Variants in LRP1B observed in about 807,000 individuals in gnomAD.
LRP1B encodes the protein LDL receptor related protein 1B.
LRP1B carries 217 observed loss-of-function variants against 556.6 expected under a neutral mutation model. The observed-to-expected ratio is 0.39, with a 90% CI of 0.35 to 0.44. LRP1B has a LOEUF of 0.44. Ranked by LOEUF, LRP1B falls within the 20% of genes least tolerant of loss-of-function variation. The pLI, the probability that LRP1B is intolerant of heterozygous loss-of-function variation, is 1.00. For missense variants in LRP1B, 5,053 were observed against 5,620.8 expected (o/e 0.90, Z 3.23); for synonymous variants, 2,047 against 1,865.8 (o/e 1.10, Z -2.50).
intron 2 of LRP1B, among the ~76,000 whole-genome samples, chr2:141,779,740 T>C (rs1290388953): frequency 1.3e-5 from 2 of 152,048 alleles, no homozygotes; most frequent in Non-Finnish European, 2.9e-5. Context: ...ATTGTATAGA[T>C]AGGAAATTGA....
chr2:140,381,992 G>A (rs1170163565), intron 67 of LRP1B, among the ~76,000 whole-genome samples: 3 of 151,796 alleles, frequency 2.0e-5, no homozygotes, highest in African/African-American at 7.3e-5. Flanking sequence ...AGCTTTGGAA[G>A]TCAACTTACA....
intron 2 of LRP1B, among the ~76,000 whole-genome samples, chr2:141,775,904 G>A (rs1244328664): frequency 1.3e-5 from 2 of 149,396 alleles, no homozygotes; most frequent in African/African-American, 5.0e-5. Flanking sequence ...GTGCAGTGGC[G>A]CAATCTTGGC....
intron 2 of LRP1B, among the ~76,000 whole-genome samples, chr2:141,595,541 CAG>C (rs1338265286): frequency 6.6e-6 from 1 of 152,004 alleles, no homozygotes; most frequent in Non-Finnish European, 1.5e-5. Context: ...AAAAATATGA[CAG>C]AGTTTTGAAG....
chr2:141,671,635 C>A (rs1162883835), intron 2 of LRP1B, among the ~76,000 whole-genome samples: 1 of 152,092 alleles, frequency 6.6e-6, no homozygotes, highest in Non-Finnish European at 1.5e-5. Flanking sequence ...CCATTGCATT[C>A]TTCTAGATTT....
At chr2:141,344,493 G>C (rs1371527847) in intron 3 of LRP1B, among the ~76,000 whole-genome samples, 1 of 152,024 alleles carries the variant, frequency 6.6e-6, no homozygotes, top group East Asian at 1.9e-4. Flanking sequence ...TCACCTGGTT[G>C]GCTCTTCAAA....
intron 7 of LRP1B, among the ~76,000 whole-genome samples, chr2:141,140,866 A>T (rs1327310897): frequency 1.3e-5 from 2 of 152,072 alleles, no homozygotes; most frequent in Non-Finnish European, 2.9e-5. Flanking sequence ...ATTATATATA[A>T]TATACATAAT....
chr2:140,980,151 T>C (rs1345509860), intron 18 of LRP1B, among the ~76,000 whole-genome samples: 1 of 152,156 alleles, frequency 6.6e-6, no homozygotes, highest in Non-Finnish European at 1.5e-5. Context: ...ATAGAAGTTC[T>C]TTAATGAGCT....
chr2:140,981,845 A>G lies in LRP1B; in HGVS notation c.2887+315T>C, dbSNP rs1573948371. Among the ~76,000 whole-genome samples, 5 of 152,278 alleles carry G rather than the reference A, an allele frequency of 3.3e-5. No individual in the cohort carries two copies. In the South Asian group the frequency reaches 1.0e-3, roughly 32 times the overall value. ...ATTCTCTTTGACAAGTTTAATCACT[A>G]CAGACCTAAGATTAATAATGAACAT... On this transcript the variant is annotated intron_variant, in intron 18 of 90. Coordinates refer to ENST00000389484, the MANE Select transcript of LRP1B (RefSeq NM_018557.3).
intron 2 of LRP1B, among the ~76,000 whole-genome samples, chr2:141,568,612 T>C (rs539537267): frequency 6.6e-6 from 1 of 151,412 alleles, no homozygotes; most frequent in East Asian, 1.9e-4. Flanking sequence ...TTGATATCCA[T>C]GATATGGAAT....
At chr2:140,776,527 A>G (rs1472584838) in intron 32 of LRP1B, among the ~76,000 whole-genome samples, 1 of 115,582 alleles carries the variant, frequency 8.7e-6, no homozygotes, top group Non-Finnish European at 2.1e-5. Context: ...AAGTATATAG[A>G]TGTAAATAAA....
rs1415365311 is a variant in LRP1B, at chr2:142,031,336, T to TA, written c.82+99311_82+99312insT. Among the ~76,000 whole-genome samples the TA allele has an allele frequency of 6.6e-5, 9 of 137,232 alleles. 1 individual carries two copies. Among genetic ancestry groups the TA allele is most frequent in the East Asian group, 4.8e-4 (2 of 4,190 alleles). The allele number at this position is 137,232 out of a possible 152,430, so 90.0% of individuals were successfully genotyped here. A position where few individuals can be genotyped will look rare whatever the true frequency, so the allele number is the denominator to read the frequency against. The stretch of plus-strand genomic sequence containing the variant: ...AGAAAGGTTGATTATACTTATTTTT[T>TA]TTTTTTTTTTTTATTATACTCTAAG... On this transcript the variant is annotated intron_variant, in intron 1 of 90. Transcript: ENST00000389484.
At chr2:140,920,286 T>C (rs1694699430) in intron 21 of LRP1B, among the ~76,000 whole-genome samples, 1 of 152,066 alleles carries the variant, frequency 6.6e-6, no homozygotes, top group Admixed American at 6.6e-5. Context: ...TCCTGACTGT[T>C]ATATTGTACT....
intron 3 of LRP1B, among the ~76,000 whole-genome samples, chr2:141,377,237 T>C (rs1689470008): frequency 6.6e-6 from 1 of 152,144 alleles, no homozygotes; most frequent in Non-Finnish European, 1.5e-5. Context: ...AATATATTCA[T>C]CCAAAAAATA....
At chr2:140,292,662 A>C (rs1683435703) in intron 84 of LRP1B, among the ~76,000 whole-genome samples, 1 of 152,154 alleles carries the variant, frequency 6.6e-6, no homozygotes. Context: ...AAATTGACCT[A>C]TAATAACTCG....
chr2:141,418,652 T>C (rs1053542003), intron 3 of LRP1B, among the ~76,000 whole-genome samples: 5 of 152,116 alleles, frequency 3.3e-5, no homozygotes, highest in African/African-American at 1.2e-4. Flanking sequence ...TAATGTGTTT[T>C]AAAAAGAGGA....
intron 18 of LRP1B, among the ~76,000 whole-genome samples, chr2:140,961,423 C>A (rs1339620425): frequency 1.4e-5 from 2 of 147,288 alleles, no homozygotes; most frequent in Non-Finnish European, 3.0e-5. Context: ...TCTCCTACCA[C>A]AATGAAATAA....
chr2:141,297,981 C>A (rs549383244), intron 3 of LRP1B, among the ~76,000 whole-genome samples: 4 of 152,286 alleles, frequency 2.6e-5, no homozygotes, highest in Non-Finnish European at 5.9e-5. Flanking sequence ...AATGTTCACA[C>A]AATAACAAAA....
intron 3 of LRP1B, among the ~76,000 whole-genome samples, chr2:141,466,884 T>C (rs1165548269): frequency 6.6e-6 from 1 of 151,110 alleles, no homozygotes; most frequent in Non-Finnish European, 1.5e-5. Flanking sequence ...TTTAAAGATC[T>C]CAGTTATTCC....
chr2:141,529,200 A>G (rs1321134406), intron 2 of LRP1B, among the ~76,000 whole-genome samples: 2 of 152,146 alleles, frequency 1.3e-5, no homozygotes, highest in East Asian at 1.9e-4. Context: ...ACTTAAAGAA[A>G]CTTTCCGACT....
Sources: allele counts gnomAD v4.1 joint callset (sites outside exome capture counted in the v4.1 genomes callset), GRCh38; gene constraint gnomAD v4.1.1; transcripts MANE v1.5; gene names NCBI Gene and HGNC (gene_info 2026-07-23, HGNC 2026-07-21).